Variants in SOX6 observed in about 807,000 individuals in gnomAD.
The protein encoded by SOX6 is transcription factor SOX-6.
SOX6 carries 11 observed loss-of-function variants against 97.8 expected under a neutral mutation model. The observed-to-expected ratio is 0.11, with a 90% CI of 0.07 to 0.19. The LOEUF is 0.19. Among genes scored for constraint, SOX6 ranks in the 10% least tolerant of loss-of-function variants. SOX6 has a pLI of 1.00. For synonymous variants in SOX6, 360 were observed against 371.4 expected, an observed-to-expected ratio of 0.97 and a Z score of 0.35; for missense variants, 810 against 1,039.5, an observed-to-expected ratio of 0.78 and a Z score of 3.04.
At chr11:16,075,578 T>C (rs1848334549) in intron 9 of SOX6, among the ~76,000 whole-genome samples, 1 of 152,086 alleles carries the variant, frequency 6.6e-6, no homozygotes, top group Non-Finnish European at 1.5e-5. Context: ...ACACCACACG[T>C]TCTCACTCAT....
At chr11:16,306,626 T>TA (rs1565081674) in intron 3 of SOX6, among the ~76,000 whole-genome samples, 1 of 131,730 alleles carries the variant, frequency 7.6e-6, no homozygotes, top group Non-Finnish European at 1.7e-5. Flanking sequence ...TTTTTTTTTT[T>TA]CTTTTTTTTT....
At chr11:16,058,518 G>A (rs1847872640) in intron 9 of SOX6, among the ~76,000 whole-genome samples, 1 of 152,062 alleles carries the variant, frequency 6.6e-6, no homozygotes, top group Non-Finnish European at 1.5e-5. Flanking sequence ...ATGGGCTTCA[G>A]CATAAGGTAA....
chr11:16,720,623 G>A (rs1374979956), intron 2 of SOX6, among the ~76,000 whole-genome samples: 1 of 144,944 alleles, frequency 6.9e-6, no homozygotes, highest in East Asian at 2.1e-4. Context: ...CAGCACACCA[G>A]CATGGCACAT....
intron 1 of SOX6, among the ~76,000 whole-genome samples, chr11:16,442,147 T>C (rs187006512): frequency 1.9e-4 from 29 of 152,332 alleles, no homozygotes; most frequent in East Asian, 7.7e-4. Context: ...CAGAGATTAA[T>C]TAGTTGTTTC....
rs543325884 is a variant in SOX6, at chr11:16,501,529, C to G, written n.610-25141G>C. ...ATCATCAGAGTGAACAGGCAACCTACAGAATGGGAGAAAATTTTTGCAATC... is the reference window on the plus strand; with the variant it reads ...ATCATCAGAGTGAACAGGCAACCTAGAGAATGGGAGAAAATTTTTGCAATC... On this transcript the variant is annotated intron_variant and non_coding_transcript_variant, in intron 4 of 5. Coordinates refer to the SOX6 transcript ENST00000524520. Among the ~76,000 whole-genome samples, 15 of 151,984 alleles carry G rather than the reference C, an allele frequency of 9.9e-5. No homozygotes were observed. In the East Asian group the frequency reaches 2.9e-3, roughly 29 times the overall value.
intron 3 of SOX6, among the ~76,000 whole-genome samples, chr11:16,299,174 A>G (rs1303496180): frequency 6.6e-6 from 1 of 152,206 alleles, no homozygotes; most frequent in Non-Finnish European, 1.5e-5. Context: ...AGAATATGTT[A>G]TCACTGATAA....
At chr11:16,135,673 G>A (rs1186912219) in intron 6 of SOX6, among the ~76,000 whole-genome samples, 1 of 152,204 alleles carries the variant, frequency 6.6e-6, no homozygotes, top group Non-Finnish European at 1.5e-5. Context: ...TTATAGGTGA[G>A]CAAAGAAGCT....
At chr11:16,589,915 T>C (rs1848131226) in intron 4 of SOX6, among the ~76,000 whole-genome samples, 1 of 152,198 alleles carries the variant, frequency 6.6e-6, no homozygotes, top group African/African-American at 2.4e-5. Context: ...GTGAAACCTC[T>C]TTGAAATTCT....
chr11:16,014,142 A>G (rs1241197002), intron 13 of SOX6, among the ~76,000 whole-genome samples: 1 of 152,062 alleles, frequency 6.6e-6, no homozygotes, highest in Non-Finnish European at 1.5e-5. Flanking sequence ...TAACCAGGCA[A>G]CATTACTACT....
At chr11:16,653,903 T>A (rs965241221) in intron 3 of SOX6, among the ~76,000 whole-genome samples, 7 of 106,794 alleles carry the variant, frequency 6.6e-5, no homozygotes, top group Non-Finnish European at 1.5e-4. Flanking sequence ...AATATTTATG[T>A]AATATTACAT....
At chr11:16,146,696 A>G (rs1177407601) in intron 6 of SOX6, among the ~76,000 whole-genome samples, 1 of 152,250 alleles carries the variant, frequency 6.6e-6, no homozygotes, top group Non-Finnish European at 1.5e-5. Context: ...GGCAAAGGAT[A>G]TGAACAGACA....
chr11:16,135,462 C>A (rs545862624), intron 6 of SOX6, among the ~76,000 whole-genome samples: 2 of 152,074 alleles, frequency 1.3e-5, no homozygotes, highest in African/African-American at 4.8e-5. Context: ...CTTGGGAGAT[C>A]AAAATATCAA....
chr11:16,661,610 G>A (rs937371360), intron 3 of SOX6, among the ~76,000 whole-genome samples: 8 of 151,970 alleles, frequency 5.3e-5, no homozygotes, highest in African/African-American at 1.9e-4. Context: ...TACAGTGGCG[G>A]GGGCATAGCT....
At chr11:16,628,339 T>C (rs556365394) in intron 3 of SOX6, among the ~76,000 whole-genome samples, 168 of 152,190 alleles carry the variant, frequency 1.1e-3, no homozygotes, top group Non-Finnish European at 1.9e-3. Context: ...AAAATGACAT[T>C]GGGGCCGGGC....
intron 6 of SOX6, among the ~76,000 whole-genome samples, chr11:16,157,476 C>T (rs1384278865): frequency 6.6e-6 from 1 of 151,968 alleles, no homozygotes; most frequent in Non-Finnish European, 1.5e-5. Context: ...TCCTCCAAAC[C>T]TGATTATCAT....
intron 1 of SOX6, among the ~76,000 whole-genome samples, chr11:16,416,621 G>A (rs1297122713): frequency 1.3e-5 from 2 of 152,074 alleles, no homozygotes; most frequent in Non-Finnish European, 2.9e-5. Flanking sequence ...AAGCATCCAC[G>A]ACACTAAATC....
At chr11:16,670,447 G>A (rs1847839832) in intron 3 of SOX6, among the ~76,000 whole-genome samples, 1 of 152,120 alleles carries the variant, frequency 6.6e-6, no homozygotes, top group South Asian at 2.1e-4. Flanking sequence ...TAGCCCCCAA[G>A]AGCAACTGAA....
At chr11:16,287,513 C>G (rs188771344) in intron 3 of SOX6, among the ~76,000 whole-genome samples, 1 of 151,890 alleles carries the variant, frequency 6.6e-6, no homozygotes, top group African/African-American at 2.4e-5. Flanking sequence ...CCATGTTGAA[C>G]GGAAACATAG....
chr11:16,319,882 CAGATG>C (rs1297015785), intron 2 of SOX6, among the ~76,000 whole-genome samples: 1 of 151,124 alleles, frequency 6.6e-6, no homozygotes, highest in East Asian at 1.9e-4. Flanking sequence ...AGTTTATCCT[CAGATG>C]AGAAATATTT....
Sources: allele counts gnomAD v4.1 joint callset (sites outside exome capture counted in the v4.1 genomes callset), GRCh38; gene constraint gnomAD v4.1.1; transcripts MANE v1.5; gene names NCBI Gene and HGNC (gene_info 2026-07-23, HGNC 2026-07-21).